The following TPCN1 variants were observed in gnomAD, a reference collection of about 807,000 sequenced individuals.
TPCN1 encodes two pore segment channel 1, also known as two pore channel protein 1.
TPCN1 carries 52 observed loss-of-function variants against 108.8 expected under a neutral mutation model. That is an observed-to-expected ratio of 0.48 (90% CI 0.38 to 0.60). The LOEUF is 0.60. Among genes scored for constraint, TPCN1 ranks in the 20% least tolerant of loss-of-function variants. The pLI is 0.00. For missense variants in TPCN1, 806 were observed against 1,072.8 expected (o/e 0.75, Z 3.47); for synonymous variants, 446 against 433.7 (o/e 1.03, Z -0.35).
intron 2 of TPCN1, among the ~76,000 whole-genome samples, chr12:113,258,901 C>G (rs1399216668): frequency 2.6e-5 from 4 of 152,124 alleles, no homozygotes; most frequent in Non-Finnish European, 5.9e-5. Flanking sequence ...CCCTGTCAGT[C>G]TCCTGTCCCT....
In TPCN1 at chr12:113,228,976, C is replaced by T. The variant is rs138254928; in HGVS notation, c.112+2012C>T. On this transcript the variant is annotated intron_variant, in intron 2 of 27. Transcript: ENST00000335509. ...TCATCGTGAGTGTCACTTTTAAGTC[C>T]CTCCAACGTGCCTGACCTGATGGTG... is the stretch of plus-strand genomic sequence containing the variant. 1.3e-5 allele frequency among the ~76,000 whole-genome samples: 2 copies of T among 152,240 alleles called. 1 individual carries two copies. Among genetic ancestry groups the T allele is most frequent in the Non-Finnish European group, 2.9e-5 (2 of 67,998 alleles).
Position 113,268,881 on chromosome 12 carries a change from C to T in TPCN1, c.659+9C>T, listed in dbSNP as rs199523634. 76 of 1,613,422 alleles carry T rather than the reference C, an allele frequency of 4.7e-5. No individual in the cohort carries two copies. The East Asian group carries it at 8.2e-4, about 18-fold the overall frequency. ...TGCGGTGGCGTCCGGCGGTAAGGCC[C>T]GGGTGGGGAGCTGGGCAGTCACTAT... is the stretch of plus-strand genomic sequence containing the variant. On this transcript the variant is annotated intron_variant, in intron 6 of 27. Transcript: ENST00000335509. The surrounding 1 kb of genome is among the most constrained non-coding windows in gnomAD (Gnocchi z 7.3).
intron 23 of TPCN1, 62 bp from the exon 24 acceptor site, chr12:113,291,547 G>A: frequency 6.9e-7 from 1 of 1,449,072 alleles, no homozygotes; most frequent in Non-Finnish European, 9.5e-7. Context: ...GGAGCAGCCT[G>A]TGTAGACGGG....
chr12:113,267,492 G>C (rs1234017556), intron 4 of TPCN1, among the ~76,000 whole-genome samples: 1 of 151,474 alleles, frequency 6.6e-6, no homozygotes, highest in Non-Finnish European at 1.5e-5. Flanking sequence ...TCTGCCTCCT[G>C]TGCTCAAGCG....
At chr12:113,263,384 C>T (rs945942716) in intron 3 of TPCN1, among the ~76,000 whole-genome samples, 1 of 152,164 alleles carries the variant, frequency 6.6e-6, no homozygotes, top group Non-Finnish European at 1.5e-5. Context: ...CCTCAGCCAC[C>T]CAGGTAGCTG....
chr12:113,250,359 G>A (rs1954585536), intron 2 of TPCN1, among the ~76,000 whole-genome samples: 1 of 152,252 alleles, frequency 6.6e-6, no homozygotes, highest in Non-Finnish European at 1.5e-5. Context: ...CTGTAAACAT[G>A]TAGATGCCAC....
intron 1 of TPCN1, among the ~76,000 whole-genome samples, chr12:113,222,457 G>A (rs531369972): frequency 6.6e-6 from 1 of 152,266 alleles, no homozygotes; most frequent in African/African-American, 2.4e-5. Context: ...ATTGAAGCAA[G>A]TTCAGTGGCA....
Position 113,266,106 on chromosome 12 carries a change from C to T in TPCN1, c.238-74C>T. ...GCCTGCCTGGGGCCTTCCTTTCCTCCCCTGCCCGCGGCTCCTCTTTGGCGT... is the reference window on the plus strand; with the variant it reads ...GCCTGCCTGGGGCCTTCCTTTCCTCTCCTGCCCGCGGCTCCTCTTTGGCGT... On this transcript the variant is annotated intron_variant, in intron 3 of 27. Transcript: ENST00000335509. This position sits in a 1 kb window ranked among gnomAD's most constrained non-coding sequence, Gnocchi z 4.2. The T allele has an allele frequency of 6.5e-7, 1 of 1,536,788 alleles. No individual in the cohort carries two copies. Among genetic ancestry groups the T allele is most frequent in the Non-Finnish European group, 8.9e-7 (1 of 1,124,074 alleles).
At chr12:113,229,634 G>A (rs180997828) in intron 2 of TPCN1, among the ~76,000 whole-genome samples, 207 of 152,262 alleles carry the variant, frequency 1.4e-3, no homozygotes, top group Admixed American at 7.8e-3. Context: ...GATTACAGGC[G>A]TGAGCCACTA....
At chr12:113,290,888 C>T in intron 22 of TPCN1, 64 bp from the exon 23 acceptor site, 2 of 1,517,722 alleles carry the variant, frequency 1.3e-6, no homozygotes, top group Non-Finnish European at 1.8e-6. Context: ...TGGCAAGAGG[C>T]CACTTGAAAT....
In TPCN1 at chr12:113,278,249, T is replaced by G. The variant is rs569518692; in HGVS notation, c.1233+12T>G. On this transcript the variant is annotated intron_variant, in intron 13 of 27. Coordinates refer to ENST00000335509, the MANE Select transcript of TPCN1 (RefSeq NM_017901.6). ...CTTTGAAGTGGAAGGTGAGTTCTTC[T>G]CTGAGACCATAGAAGGAGTAGACAG... is the stretch of plus-strand genomic sequence containing the variant. 1 of 1,613,382 alleles carries G rather than the reference T, an allele frequency of 6.2e-7. No homozygotes were observed. Among genetic ancestry groups the G allele is most frequent in the South Asian group, 1.1e-5 (1 of 91,052 alleles).
At position 113,288,025 on chromosome 12, in the gene TPCN1, G is replaced by A. The variant is rs1033695201; in HGVS notation, c.1635-138G>A. The A allele has an allele frequency of 8.8e-6, 7 of 795,954 alleles. No individual in the cohort carries two copies. In the East Asian group the frequency reaches 1.6e-4, roughly 18 times the overall value. 49.3% of individuals were successfully genotyped at this position (795,954 alleles called of 1,614,324 possible). A position where few individuals can be genotyped will look rare whatever the true frequency, so the allele number is the denominator to read the frequency against. ...CCAGCTCAGGGTTGGTGGCGCCCAA[G>A]GGAGTGGACGCAGGTGGAGGAGAGG... On this transcript the variant is annotated intron_variant, in intron 19 of 27. Coordinates refer to ENST00000335509, the MANE Select transcript of TPCN1 (RefSeq NM_017901.6). The surrounding 1 kb of genome is among the most constrained non-coding windows in gnomAD (Gnocchi z 4.8).
intron 2 of TPCN1, among the ~76,000 whole-genome samples, chr12:113,229,842 A>G (rs1375555743): frequency 6.6e-6 from 1 of 152,216 alleles, no homozygotes; most frequent in Non-Finnish European, 1.5e-5. Context: ...GCCTTGTTTT[A>G]AAGCTTCCTG....
At position 113,291,767 on chromosome 12, in the gene TPCN1, G is replaced by A. The variant is rs1383118821; in HGVS notation, c.2028+90G>A. 3 of 1,572,198 alleles carry A rather than the reference G, an allele frequency of 1.9e-6. No homozygotes were observed. The Admixed American group carries it at 5.1e-5, about 27-fold the overall frequency. On this transcript the variant is annotated intron_variant, in intron 24 of 27. Coordinates refer to ENST00000335509, the MANE Select transcript of TPCN1 (RefSeq NM_017901.6). The stretch of plus-strand genomic sequence containing the variant: ...TTCAGCCTGCAGCGTCAGGGAGTGG[G>A]GCTGGGTCCCATCTGGCCGGACTCT...
At position 113,266,007 on chromosome 12, in the gene TPCN1, C is replaced by G. The variant is rs1219200653; in HGVS notation, c.238-173C>G. On this transcript the variant is annotated intron_variant, in intron 3 of 27. Coordinates refer to ENST00000335509, the MANE Select transcript of TPCN1 (RefSeq NM_017901.6). The surrounding 1 kb of genome is among the most constrained non-coding windows in gnomAD (Gnocchi z 4.2). The stretch of plus-strand genomic sequence containing the variant: ...AGCCCATCAGCAGGCAGGAGTGAGA[C>G]CTGACCACCGTGAGTTTCGCGAAGA... Among the ~76,000 whole-genome samples the G allele has an allele frequency of 6.6e-6, 1 of 151,994 alleles. No individual in the cohort carries two copies.
chr12:113,237,359 CT>C (rs113972186), intron 2 of TPCN1, among the ~76,000 whole-genome samples: 5,048 of 146,530 alleles, frequency 0.034, 225 homozygotes, highest in East Asian at 0.15. Flanking sequence ...GTTCCTACTT[CT>C]TTTTTTTTTT....
chr12:113,259,063 G>A (rs944810916), intron 2 of TPCN1, among the ~76,000 whole-genome samples: 2 of 149,580 alleles, frequency 1.3e-5, no homozygotes, highest in South Asian at 2.1e-4. Context: ...TGCAACCTCC[G>A]CCTCCCAGGT....
At chr12:113,244,330 A>G in intron 2 of TPCN1, 2 of 985,484 alleles carry the variant, frequency 2.0e-6, no homozygotes, top group Non-Finnish European at 2.4e-6. Flanking sequence ...TTCAACTGGG[A>G]GGGCTCTGTG....
intron 25 of TPCN1, 80 bp from the exon 26 acceptor site, chr12:113,292,854 G>T: frequency 4.0e-6 from 6 of 1,504,722 alleles, no homozygotes; most frequent in Non-Finnish European, 5.4e-6. Context: ...CCTGCGGAAG[G>T]GGGCAAGGAG....
Sources: gnomAD v4.1 joint callset for allele counts (sites outside exome capture counted in the v4.1 genomes callset) on GRCh38, gnomAD v4.1.1 for gene constraint, Gnocchi (gnomAD v3.1) non-coding constraint, MANE v1.5 for transcripts, NCBI Gene and HGNC (gene_info 2026-07-23, HGNC 2026-07-21) for gene names.